PRDM16: variants seen among roughly 807,000 people sequenced by gnomAD.
The protein encoded by PRDM16 is histone-lysine N-methyltransferase PRDM16.
PRDM16 carries 23 observed loss-of-function variants against 110.6 expected under a neutral mutation model. That is an observed-to-expected ratio of 0.21 (90% CI 0.15 to 0.29). The LOEUF (loss-of-function observed/expected upper bound fraction) is 0.29, where lower values mean the gene tolerates loss of function less well. PRDM16 is among the 10% of genes least tolerant of loss of function. PRDM16 has a pLI of 1.00. For missense variants in PRDM16, 1,615 were observed against 1,794.3 expected, an observed-to-expected ratio of 0.90 and a Z score of 1.81; for synonymous variants, 799 against 781.8, an observed-to-expected ratio of 1.02 and a Z score of -0.37.
intron 3 of PRDM16, among the ~76,000 whole-genome samples, chr1:3,304,839 C>CTAG (rs1207707923): frequency 6.6e-6 from 1 of 152,156 alleles, no homozygotes; most frequent in Non-Finnish European, 1.5e-5. Flanking sequence ...CTCCTCAGCC[C>CTAG]TAGCACCACA....
intron 14 of PRDM16, among the ~76,000 whole-genome samples, chr1:3,428,264 C>T (rs1340759701): frequency 6.6e-6 from 1 of 151,408 alleles, no homozygotes; most frequent in Non-Finnish European, 1.5e-5. Flanking sequence ...GGGTGCAGCC[C>T]GGCCGCGCTG....
rs1174138268 is a variant in PRDM16, at chr1:3,157,487, A to G, written c.38-28638A>G. Among the ~76,000 whole-genome samples, 2 of 151,126 alleles carry G rather than the reference A, an allele frequency of 1.3e-5. No homozygotes were observed. The highest frequency in any genetic ancestry group is 2.4e-5 in the African/African-American group (1 of 41,022). ...GGTTGATTGTCTCTTGAAAACAGAC[A>G]TGGGCCAGATCCAGTTGTTTGGTAG... On this transcript the variant is annotated intron_variant, in intron 1 of 16. Coordinates refer to ENST00000270722, the MANE Select transcript of PRDM16 (RefSeq NM_022114.4). This position sits in a 1 kb window ranked among gnomAD's most constrained non-coding sequence, Gnocchi z 4.8.
At chr1:3,236,884 G>A (rs60951434) in intron 2 of PRDM16, among the ~76,000 whole-genome samples, 18,244 of 152,252 alleles carry the variant, frequency 0.12, 1,329 homozygotes, top group African/African-American at 0.21. Flanking sequence ...TGCGGAGCCC[G>A]GCCTGCCTGG....
rs141907205 is a variant in PRDM16, at chr1:3,430,427, C to T, written c.3285-445C>T. ...ATCCCAGAGAGCCCTCCAGGGCTCCCGGCTCTCGGGCCAGTGCCCACGTCC... is the reference window on the plus strand; with the variant it reads ...ATCCCAGAGAGCCCTCCAGGGCTCCTGGCTCTCGGGCCAGTGCCCACGTCC... On this transcript the variant is annotated intron_variant, in intron 14 of 16. Coordinates refer to ENST00000270722, the MANE Select transcript of PRDM16 (RefSeq NM_022114.4). 2.0e-4 allele frequency among the ~76,000 whole-genome samples: 31 copies of T among 152,336 alleles called. 1 individual carries two copies. The East Asian group carries it at 5.8e-3, about 29-fold the overall frequency.
At chr1:3,387,753 G>A (rs968452411) in intron 4 of PRDM16, among the ~76,000 whole-genome samples, 12 of 152,198 alleles carry the variant, frequency 7.9e-5, no homozygotes, top group Admixed American at 1.3e-4. Flanking sequence ...AATCTCAACC[G>A]TGAATTTCAG....
chr1:3,114,189 A>ACG (rs1483336057), intron 1 of PRDM16, among the ~76,000 whole-genome samples: 17,088 of 86,114 alleles, frequency 0.2, 1,105 homozygotes, highest in East Asian at 0.35. Flanking sequence ...ACACACGCAC[A>ACG]CACGCACACG....
intron 3 of PRDM16, among the ~76,000 whole-genome samples, chr1:3,343,289 G>A (rs776704419): frequency 5.5e-5 from 8 of 145,646 alleles, no homozygotes; most frequent in South Asian, 2.4e-4. Flanking sequence ...TGAAGTGTTC[G>A]TTCAAGCCTT....
intron 1 of PRDM16, among the ~76,000 whole-genome samples, chr1:3,113,056 A>C (rs915541572): frequency 6.6e-6 from 1 of 152,248 alleles, no homozygotes; most frequent in African/African-American, 2.4e-5. Flanking sequence ...AGCTAGAAGC[A>C]GACCCAGGGA....
chr1:3,391,597 C>A (rs1442723360), intron 4 of PRDM16, among the ~76,000 whole-genome samples: 1 of 152,140 alleles, frequency 6.6e-6, no homozygotes, highest in Non-Finnish European at 1.5e-5. Context: ...ATGTCTGGGT[C>A]GCTGGGATGG....
chr1:3,317,485 G>A (rs1351292492), intron 3 of PRDM16, among the ~76,000 whole-genome samples: 3 of 152,210 alleles, frequency 2.0e-5, no homozygotes, highest in South Asian at 2.1e-4. Flanking sequence ...TGAGGCCGTC[G>A]GAAGTCTCCA....
chr1:3,197,027 C>T (rs1167896136), intron 2 of PRDM16, among the ~76,000 whole-genome samples: 1 of 152,164 alleles, frequency 6.6e-6, no homozygotes, highest in Non-Finnish European at 1.5e-5. Context: ...ACTGGCTCAT[C>T]AGCATGGCTC....
At chr1:3,417,784 TGA>T (rs1398503152) in intron 10 of PRDM16, 42 bp from the exon 11 acceptor site, 15 of 1,578,946 alleles carry the variant, frequency 9.5e-6, no homozygotes, top group African/African-American at 1.3e-5. Context: ...TGAAGACAGG[TGA>T]GAGTCAGCTG....
At chr1:3,388,298 C>G (rs1361178742) in intron 4 of PRDM16, among the ~76,000 whole-genome samples, 1 of 149,302 alleles carries the variant, frequency 6.7e-6, no homozygotes, top group East Asian at 2.1e-4. Flanking sequence ...CTTTCTCTGT[C>G]TCTCTCTTTC....
In PRDM16 at chr1:3,412,764, C is replaced by T; in HGVS notation, c.2567C>T (p.Ala856Val). The T allele has an allele frequency of 6.7e-7, 1 of 1,497,838 alleles. No individual in the cohort carries two copies. Among genetic ancestry groups the T allele is most frequent in the Non-Finnish European group, 8.9e-7 (1 of 1,124,058 alleles). The allele number at this position is 1,497,838 out of a possible 1,614,324, so 92.8% of individuals were successfully genotyped here. A position where few individuals can be genotyped will look rare whatever the true frequency, so the allele number is the denominator to read the frequency against. The part of the protein sequence containing the change: ...RMPQQPPLHY[A>V]KPSPFFMDPI... The stretch of plus-strand genomic sequence containing the variant: ...CCCCAGCAGCCCCCGCTCCACTACG[C>T]CAAGCCCTCGCCCTTCTTCATGGAC... The change falls in exon 9 of 17, where the codon GCC (alanine) becomes GTC (valine). Residue 856 changes from alanine to valine, a missense_variant. Around this residue, in one of 5 missense-constraint regions of PRDM16, gnomAD observed 772 missense variants for 748.3 expected, o/e 1.03. Coordinates refer to ENST00000270722, the MANE Select transcript of PRDM16 (RefSeq NM_022114.4).
chr1:3,258,489 G>A (rs944171168), intron 3 of PRDM16, among the ~76,000 whole-genome samples: 7 of 152,182 alleles, frequency 4.6e-5, no homozygotes, highest in Non-Finnish European at 1.0e-4. Context: ...GGGCTGCATT[G>A]GGAAACTGTT....
intron 3 of PRDM16, chr1:3,307,631 C>T (rs16824031): frequency 0.027 from 4,080 of 152,218 alleles, 301 homozygotes; most frequent in East Asian, 0.25. Context: ...CAAGGCTGAA[C>T]GTGGCCTGCT....
chr1:3,205,066 C>G (rs532679901), intron 2 of PRDM16, among the ~76,000 whole-genome samples: 1 of 151,480 alleles, frequency 6.6e-6, no homozygotes, highest in Non-Finnish European at 1.5e-5. Flanking sequence ...ATTCACTGCC[C>G]GTGAAAGGCT....
rs530922373 is a variant in PRDM16, at chr1:3,275,502, A to T, written c.438+31365A>T. Among the ~76,000 whole-genome samples the T allele has an allele frequency of 4.5e-3, 688 of 152,278 alleles. 2 individuals are homozygous for T. Among genetic ancestry groups the T allele is most frequent in the African/African-American group, 0.014 (600 of 41,558 alleles). On this transcript the variant is annotated intron_variant, in intron 3 of 16. Transcript: ENST00000270722. ...GACCTGGCTACCAGGACTTCCGGAC[A>T]AACAGTTGTCAGGCACTCGGCATGC...
At chr1:3,341,986 A>G (rs1380993405) in intron 3 of PRDM16, among the ~76,000 whole-genome samples, 5 of 152,198 alleles carry the variant, frequency 3.3e-5, no homozygotes, top group African/African-American at 1.2e-4. Flanking sequence ...GTTGAAAAGC[A>G]CCTGTCCTTT....
Sources: allele counts gnomAD v4.1 joint callset (sites outside exome capture counted in the v4.1 genomes callset), GRCh38; gene constraint gnomAD v4.1.1; regional missense constraint gnomAD v4.1.1; non-coding constraint Gnocchi (gnomAD v3.1); transcripts MANE v1.5; gene names NCBI Gene and HGNC (gene_info 2026-07-23, HGNC 2026-07-21).